Variants in TMEM135 observed in about 807,000 individuals in gnomAD.
The protein encoded by TMEM135 is transmembrane protein 135.
TMEM135 carries 30 observed loss-of-function variants against 60.3 expected under a neutral mutation model. The ratio of observed to expected loss-of-function variants is 0.50; its 90% confidence interval spans 0.37 to 0.68. The LOEUF is 0.68. Among genes scored for constraint, TMEM135 ranks in the 30% least tolerant of loss-of-function variants. TMEM135 has a pLI of 0.00. For missense variants in TMEM135, 468 were observed against 548.8 expected (o/e 0.85, Z 1.47); for synonymous variants, 190 against 186.7 (o/e 1.02, Z -0.14).
At chr11:87,282,986 T>G (rs746555514) in intron 6 of TMEM135, among the ~76,000 whole-genome samples, 1 of 152,164 alleles carries the variant, frequency 6.6e-6, no homozygotes, top group African/African-American at 2.4e-5. Context: ...TATTTGAAAT[T>G]AAATGTTTCT....
rs185449902 is a variant in TMEM135 at position 87,244,919 on chromosome 11, T to A, written c.509+8235T>A. 2.0e-4 allele frequency among the ~76,000 whole-genome samples: 30 copies of A among 151,596 alleles called. No individual in the cohort carries two copies. The East Asian group carries it at 5.6e-3, about 28-fold the overall frequency. On this transcript the variant is annotated intron_variant, in intron 6 of 14. Coordinates refer to ENST00000305494, the MANE Select transcript of TMEM135 (RefSeq NM_022918.4). ...TTTTGAATGTGTTTGCTCTTGCTTT[T>A]CTAGTTCTTTTAATTGCGATGTTCG...
Position 87,323,056 on chromosome 11 carries a change from G to T in TMEM135, c.*1723G>T, listed in dbSNP as rs1942853206. Reference sequence around the variant, plus strand: ...CTCATTTTCTTTATCCAGAAATTGTGCTTATATATTTTCCTGTCAGGTTTA... The same window carrying T: ...CTCATTTTCTTTATCCAGAAATTGTTCTTATATATTTTCCTGTCAGGTTTA... On this transcript the variant is annotated 3_prime_UTR_variant, in exon 15 of 15. Transcript: ENST00000305494. 1 of 453,988 alleles carries T rather than the reference G, an allele frequency of 2.2e-6. No homozygotes were observed. Among genetic ancestry groups the T allele is most frequent in the Non-Finnish European group, 4.4e-6 (1 of 226,680 alleles). The allele number at this position is 453,988 out of a possible 1,614,324, so 28.1% of individuals were successfully genotyped here. A position where few individuals can be genotyped will look rare whatever the true frequency, so the allele number is the denominator to read the frequency against.
chr11:87,142,052 C>G (rs955363179), intron 4 of TMEM135, among the ~76,000 whole-genome samples: 5 of 152,142 alleles, frequency 3.3e-5, no homozygotes, highest in African/African-American at 1.2e-4. Context: ...TCCTCCTCCC[C>G]AAACCCCCTC....
In TMEM135 at chr11:87,096,190, C is replaced by T. The variant is rs1017544336; in HGVS notation, c.396+4795C>T. ...GGAAAACTAGCAAAAGTTTTTTATC[C>T]GTTAAACTCTTCTACAAATTCTTCG... On this transcript the variant is annotated intron_variant, in intron 4 of 14. Transcript: ENST00000305494. The T allele has an allele frequency of 3.9e-5, 12 of 305,074 alleles. 1 individual carries two copies. The highest frequency in any genetic ancestry group is 2.0e-4 in the African/African-American group (9 of 44,486). 18.9% of individuals were successfully genotyped at this position (305,074 alleles called of 1,614,324 possible).
chr11:87,223,168 T>TTA (rs1437208259), intron 5 of TMEM135, among the ~76,000 whole-genome samples: 1 of 151,122 alleles, frequency 6.6e-6, no homozygotes, highest in East Asian at 1.9e-4. Flanking sequence ...GCACTTTTTT[T>TTA]TTTTTTTTTT....
chr11:87,067,601 A>G, intron 1 of TMEM135, 93 bp from the exon 2 acceptor site: 1 of 1,529,760 alleles, frequency 6.5e-7, no homozygotes, highest in Non-Finnish European at 9.0e-7. Flanking sequence ...TTTAACTTAT[A>G]AATATATGCT....
chr11:87,199,558 A>G (rs147080034), intron 5 of TMEM135, among the ~76,000 whole-genome samples: 1 of 152,352 alleles, frequency 6.6e-6, no homozygotes, highest in Admixed American at 6.5e-5. Flanking sequence ...GGGATGAGGT[A>G]GATACATATA....
intron 1 of TMEM135, among the ~76,000 whole-genome samples, chr11:87,054,841 G>T (rs1358430402): frequency 2.0e-5 from 3 of 152,068 alleles, no homozygotes; most frequent in East Asian, 3.9e-4. Flanking sequence ...AGCACAGGAG[G>T]CACTGAATTA....
At chr11:87,088,506 G>A (rs1352366787) in intron 3 of TMEM135, among the ~76,000 whole-genome samples, 1 of 152,134 alleles carries the variant, frequency 6.6e-6, no homozygotes, top group Non-Finnish European at 1.5e-5. Context: ...GTTGAAAACT[G>A]TAGATAGCTC....
chr11:87,068,789 G>A (rs928567610), intron 2 of TMEM135, among the ~76,000 whole-genome samples: 1 of 143,854 alleles, frequency 7.0e-6, no homozygotes, highest in Non-Finnish European at 1.5e-5. Context: ...CCAGCTTGGG[G>A]GACAGAGTCA....
chr11:87,081,089 T>C (rs1856982682), intron 3 of TMEM135, among the ~76,000 whole-genome samples: 1 of 112,786 alleles, frequency 8.9e-6, no homozygotes. Flanking sequence ...TCTTTATAAT[T>C]AAAGTTTTTT....
intron 4 of TMEM135, among the ~76,000 whole-genome samples, chr11:87,152,699 A>G (rs1053006718): frequency 6.6e-6 from 1 of 152,194 alleles, no homozygotes; most frequent in African/African-American, 2.4e-5. Context: ...TCGGCCTCCC[A>G]AGGTGCTGGG....
intron 6 of TMEM135, among the ~76,000 whole-genome samples, chr11:87,264,390 C>G (rs1941711412): frequency 6.6e-6 from 1 of 151,534 alleles, no homozygotes; most frequent in Non-Finnish European, 1.5e-5. Context: ...ACTATGGCAC[C>G]TAACATTATT....
chr11:87,263,873 A>T (rs1941699311), intron 6 of TMEM135, among the ~76,000 whole-genome samples: 1 of 152,034 alleles, frequency 6.6e-6, no homozygotes, highest in Non-Finnish European at 1.5e-5. Context: ...GAATATTTTG[A>T]AATTTATGTG....
intron 5 of TMEM135, among the ~76,000 whole-genome samples, chr11:87,225,166 C>T (rs11235019): frequency 0.013 from 2,046 of 152,102 alleles, 31 homozygotes; most frequent in African/African-American, 0.025. Context: ...TGCTATAAAT[C>T]TTTAATGGGA....
chr11:87,305,688 C>T (rs1013494590), intron 8 of TMEM135, among the ~76,000 whole-genome samples: 5 of 151,988 alleles, frequency 3.3e-5, no homozygotes, highest in African/African-American at 4.8e-5. Context: ...GCAGGAGAAT[C>T]GCTTGAACCT....
intron 5 of TMEM135, among the ~76,000 whole-genome samples, chr11:87,228,950 A>G (rs906306922): frequency 6.6e-6 from 1 of 152,182 alleles, no homozygotes; most frequent in Non-Finnish European, 1.5e-5. Flanking sequence ...GTAATTCTAC[A>G]TGACATAGTG....
intron 5 of TMEM135, among the ~76,000 whole-genome samples, chr11:87,201,968 A>T (rs999271706): frequency 2.9e-5 from 3 of 103,938 alleles, no homozygotes; most frequent in African/African-American, 1.4e-4. Context: ...ATGTTATGTT[A>T]TGTTATGTTA....
Position 87,037,984 on chromosome 11 carries a change from C to G in TMEM135, c.-62C>G, listed in dbSNP as rs144857989. The G allele has an allele frequency of 5.1e-4, 813 of 1,608,234 alleles. 2 individuals carry two copies. In the African/African-American group the frequency reaches 9.7e-3, roughly 19 times the overall value. On this transcript the variant is annotated 5_prime_UTR_variant, in exon 1 of 15. Transcript: ENST00000305494. ...GGCGAGAGGCTGGCGGCTGGGCTCT[C>G]GCGCCCCTCCCTGCAGGGCTCAGGC...
Sources: gnomAD v4.1 joint callset for allele counts (sites outside exome capture counted in the v4.1 genomes callset) on GRCh38, gnomAD v4.1.1 for gene constraint, MANE v1.5 for transcripts, NCBI Gene and HGNC (gene_info 2026-07-23, HGNC 2026-07-21) for gene names.